The following LIN28B variants were observed in gnomAD, a reference collection of about 807,000 sequenced individuals.
LIN28B encodes lin-28 RNA binding posttranscriptional regulator B.
LIN28B carries 5 observed loss-of-function variants against 21.9 expected under a neutral mutation model. The ratio of observed to expected loss-of-function variants is 0.23; its 90% confidence interval spans 0.12 to 0.48. The LOEUF (loss-of-function observed/expected upper bound fraction) is 0.48, where lower values mean the gene tolerates loss of function less well. Among genes scored for constraint, LIN28B ranks in the 20% least tolerant of loss-of-function variants. LIN28B has a pLI of 0.98. For missense variants in LIN28B, 245 were observed against 310.5 expected (o/e 0.79, Z 1.58); for synonymous variants, 109 against 111.3 (o/e 0.98, Z 0.13).
chr6:104,964,629 T>A (rs563485514), intron 2 of LIN28B, among the ~76,000 whole-genome samples: 1 of 152,302 alleles, frequency 6.6e-6, no homozygotes, highest in Admixed American at 6.5e-5. Context: ...AATAATTGAT[T>A]ATAGCATCTT....
chr6:104,974,777 TA>T (rs2114595836), intron 2 of LIN28B, among the ~76,000 whole-genome samples: 1 of 151,944 alleles, frequency 6.6e-6, no homozygotes, highest in South Asian at 2.1e-4. Context: ...GCATAAAACT[TA>T]CGTTTTATGG....
chr6:105,048,638 T>C (rs1771824266), intron 3 of LIN28B, among the ~76,000 whole-genome samples: 1 of 152,208 alleles, frequency 6.6e-6, no homozygotes, highest in Non-Finnish European at 1.5e-5. Flanking sequence ...TGTGAATCCA[T>C]CTGCTCCTGG....
At chr6:104,996,395 T>C (rs1770603602) in intron 2 of LIN28B, among the ~76,000 whole-genome samples, 1 of 152,228 alleles carries the variant, frequency 6.6e-6, no homozygotes, top group South Asian at 2.1e-4. Context: ...CTGATGTTAG[T>C]GTTCTCTGAA....
upstream of LIN28B, among the ~76,000 whole-genome samples, chr6:104,952,267 T>C (rs1472230487): frequency 6.6e-6 from 1 of 152,202 alleles, no homozygotes; most frequent in Admixed American, 6.5e-5. Flanking sequence ...GAAACATACA[T>C]GTTCAAGTAG....
At chr6:105,053,528 C>A (rs1232621779) in intron 3 of LIN28B, among the ~76,000 whole-genome samples, 1 of 152,032 alleles carries the variant, frequency 6.6e-6, no homozygotes, top group Non-Finnish European at 1.5e-5. Context: ...GCTTTGAAAC[C>A]ACATTAACAG....
intron 2 of LIN28B, among the ~76,000 whole-genome samples, chr6:104,946,183 C>T (rs1029620091): frequency 1.3e-5 from 2 of 151,604 alleles, no homozygotes; most frequent in Non-Finnish European, 2.9e-5. Context: ...AATATTTCAC[C>T]GAATGTGAAG....
In LIN28B at chr6:104,975,623, G is replaced by A. The variant is rs145368404; in HGVS notation, c.198+17337G>A. Among the ~76,000 whole-genome samples, 808 of 152,106 alleles carry A rather than the reference G, an allele frequency of 5.3e-3. 6 individuals carry two copies. Among genetic ancestry groups the A allele is most frequent in the African/African-American group, 0.019 (771 of 41,484 alleles). ...GATGATAGTGTAACTTTTACAGAGT[G>A]CTTGCATGTGCCAAGTACTGTGCTT... is the stretch of plus-strand genomic sequence containing the variant. On this transcript the variant is annotated intron_variant, in intron 2 of 3. Transcript: ENST00000345080.
At chr6:104,999,433 C>G (rs1770675886) in intron 2 of LIN28B, among the ~76,000 whole-genome samples, 1 of 152,092 alleles carries the variant, frequency 6.6e-6, no homozygotes, top group Admixed American at 6.6e-5. Context: ...CCCACCTAAC[C>G]CAGCCTGTTT....
intron 2 of LIN28B, among the ~76,000 whole-genome samples, chr6:105,012,878 A>G (rs1770952772): frequency 1.3e-5 from 2 of 152,166 alleles, no homozygotes; most frequent in African/African-American, 4.8e-5. Context: ...GTTTAATTCT[A>G]TAGGAGATTG....
chr6:104,959,360 T>C (rs1288023058), intron 2 of LIN28B, among the ~76,000 whole-genome samples: 1 of 152,238 alleles, frequency 6.6e-6, no homozygotes, highest in Non-Finnish European at 1.5e-5. Flanking sequence ...GTGAAATATT[T>C]GGTATATTTG....
In LIN28B at chr6:105,078,798, A is replaced by G. The variant is rs778405403; in HGVS notation, c.*15A>G. 14 of 1,605,958 alleles carry G rather than the reference A, an allele frequency of 8.7e-6. No individual in the cohort carries two copies. The highest frequency in any genetic ancestry group is 9.4e-6 in the Non-Finnish European group (11 of 1,174,792). ...AAAAGACATAACAGGTCTTCTTCAT[A>G]TGTTCTTTCCTTTACCCGGTTGCAA... is the stretch of plus-strand genomic sequence containing the variant. On this transcript the variant is annotated 3_prime_UTR_variant, in exon 4 of 4. Transcript: ENST00000345080.
intron 3 of LIN28B, among the ~76,000 whole-genome samples, chr6:105,059,205 G>A (rs960187576): frequency 6.1e-4 from 82 of 134,410 alleles, no homozygotes; most frequent in African/African-American, 1.7e-3. Context: ...GTGTGTGTGT[G>A]TATATATATA....
intron 3 of LIN28B, among the ~76,000 whole-genome samples, chr6:105,027,428 C>T (rs1465817071): frequency 2.0e-5 from 3 of 151,820 alleles, no homozygotes; most frequent in African/African-American, 7.3e-5. Flanking sequence ...TATATGTTTT[C>T]ATTTTTTTCT....
rs374986488 is a variant in LIN28B, at chr6:104,984,548, G to A, written c.198+26262G>A. Reference sequence around the variant, plus strand: ...CGGTCTCCAACTCCTGGGCCCAAGCGATCCTCCCACCTGAGTCTCCCAAGT... The same window carrying A: ...CGGTCTCCAACTCCTGGGCCCAAGCAATCCTCCCACCTGAGTCTCCCAAGT... On this transcript the variant is annotated intron_variant, in intron 2 of 3. Transcript: ENST00000345080. Among the ~76,000 whole-genome samples the A allele has an allele frequency of 1.1e-4, 16 of 151,718 alleles. 1 individual carries two copies. The South Asian group carries it at 3.1e-3, about 30-fold the overall frequency.
intron 2 of LIN28B, chr6:104,950,359 C>CA: frequency 1.7e-6 from 1 of 604,038 alleles, no homozygotes; most frequent in Non-Finnish European, 2.4e-6. Flanking sequence ...TTCACAGAGT[C>CA]AAAACCTGGG....
intron 2 of LIN28B, among the ~76,000 whole-genome samples, chr6:104,958,958 A>T (rs964538730): frequency 6.6e-6 from 1 of 152,242 alleles, no homozygotes; most frequent in African/African-American, 2.4e-5. Flanking sequence ...TCAAAAAAAC[A>T]TGTGGCCAGA....
At chr6:105,056,819 G>A (rs1388823971) in intron 3 of LIN28B, among the ~76,000 whole-genome samples, 1 of 152,146 alleles carries the variant, frequency 6.6e-6, no homozygotes, top group Non-Finnish European at 1.5e-5. Flanking sequence ...AGATCCTGCT[G>A]TGCTTGTGTT....
chr6:105,032,876 A>G (rs1038381416), intron 3 of LIN28B, among the ~76,000 whole-genome samples: 4 of 151,858 alleles, frequency 2.6e-5, no homozygotes, highest in African/African-American at 9.7e-5. Context: ...GTTTCTTCAT[A>G]TCTTTTGCCC....
chr6:104,958,781 G>A (rs894959705), intron 2 of LIN28B, among the ~76,000 whole-genome samples: 1 of 152,296 alleles, frequency 6.6e-6, no homozygotes, highest in East Asian at 1.9e-4. Context: ...TCATTTTGTA[G>A]ATTCAGATCA....
Sources: gnomAD v4.1 joint callset for allele counts (sites outside exome capture counted in the v4.1 genomes callset) on GRCh38, gnomAD v4.1.1 for gene constraint, MANE v1.5 for transcripts, NCBI Gene and HGNC (gene_info 2026-07-23, HGNC 2026-07-21) for gene names.